The following ARHGEF10L variants were observed in gnomAD, a reference collection of about 807,000 sequenced individuals.
The protein encoded by ARHGEF10L is Rho guanine nucleotide exchange factor 10 like.
A neutral mutation model predicts 141.2 loss-of-function variants in ARHGEF10L; 69 were observed. The ratio of observed to expected loss-of-function variants is 0.49; its 90% CI spans 0.40 to 0.60. The LOEUF is 0.60. Among genes scored for constraint, ARHGEF10L ranks in the 20% least tolerant of loss-of-function variants. ARHGEF10L has a pLI of 0.00. For synonymous variants in ARHGEF10L, 711 were observed against 718.5 expected, an observed-to-expected ratio of 0.99 and a Z score of 0.17; for missense variants, 1,482 against 1,734.3, an observed-to-expected ratio of 0.85 and a Z score of 2.58.
chr1:17,622,065 C>A, intron 11 of ARHGEF10L, 124 bp downstream of exon 11: 1 of 927,026 alleles, frequency 1.1e-6, no homozygotes, highest in South Asian at 1.4e-5. Flanking sequence ...TAAGCCAGCA[C>A]TGCTTTATGG....
intron 4 of ARHGEF10L, among the ~76,000 whole-genome samples, chr1:17,592,662 C>G (rs2079653699): frequency 6.6e-6 from 1 of 152,122 alleles, no homozygotes. Flanking sequence ...AAGGGCAGGT[C>G]AGCAAGGCCG....
At chr1:17,595,972 A>G (rs2080054140) in intron 4 of ARHGEF10L, among the ~76,000 whole-genome samples, 1 of 152,152 alleles carries the variant, frequency 6.6e-6, no homozygotes, top group African/African-American at 2.4e-5. Flanking sequence ...ACATTCAGTA[A>G]CTTGTCCCGG....
chr1:17,588,587 C>A, intron 4 of ARHGEF10L, 108 bp downstream of exon 4: 1 of 1,399,748 alleles, frequency 7.1e-7, no homozygotes, highest in Non-Finnish European at 1.0e-6. Context: ...TGGTCTTTGG[C>A]TAAGGAGGAA....
chr1:17,591,241 A>T (rs1315130317), intron 4 of ARHGEF10L, among the ~76,000 whole-genome samples: 2 of 152,110 alleles, frequency 1.3e-5, no homozygotes, highest in East Asian at 3.9e-4. Context: ...TGTGTACATT[A>T]TCTCTTTTTG....
In ARHGEF10L at chr1:17,623,560, G is replaced by A. The variant is rs2060221114; in HGVS notation, c.1200+385G>A. Among the ~76,000 whole-genome samples the A allele has an allele frequency of 6.6e-6, 1 of 152,206 alleles. No individual in the cohort carries two copies. Among genetic ancestry groups the A allele is most frequent in the Non-Finnish European group, 1.5e-5 (1 of 68,048 alleles). On this transcript the variant is annotated intron_variant, in intron 12 of 28. Coordinates refer to ENST00000361221, the MANE Select transcript of ARHGEF10L (RefSeq NM_018125.4). This position sits in a 1 kb window ranked among gnomAD's most constrained non-coding sequence, Gnocchi z 4.7. Reference sequence around the variant, plus strand: ...AAGACCACAACTTTGGCCCGGAGAGGATGTGCCGCAGTGCTGGGGAAAGGG... The same window carrying A: ...AAGACCACAACTTTGGCCCGGAGAGAATGTGCCGCAGTGCTGGGGAAAGGG...
Position 17,680,960 on chromosome 1 carries a change from T to C in ARHGEF10L, c.3010-6613T>C, listed in dbSNP as rs541548588. Among the ~76,000 whole-genome samples, 8 of 152,158 alleles carry C rather than the reference T, an allele frequency of 5.3e-5. No homozygotes were observed. In the East Asian group the frequency reaches 1.5e-3, roughly 29 times the overall value. ...CACCATGCCCAGATAAGTTTTGTAA[T>C]TTTAGTAGAGACATGTTGGCCAGGC... On this transcript the variant is annotated intron_variant, in intron 26 of 28. Coordinates refer to ENST00000361221, the MANE Select transcript of ARHGEF10L (RefSeq NM_018125.4).
chr1:17,675,819 TG>T (rs1271266549), intron 26 of ARHGEF10L, among the ~76,000 whole-genome samples: 2 of 140,208 alleles, frequency 1.4e-5, no homozygotes, highest in Non-Finnish European at 3.1e-5. Flanking sequence ...TGGGTGCAGG[TG>T]TGGGTACAGG....
chr1:17,586,505 AGT>A (rs201071064), intron 2 of ARHGEF10L, among the ~76,000 whole-genome samples: 1 of 29,546 alleles, frequency 3.4e-5, no homozygotes, highest in African/African-American at 1.0e-4. Flanking sequence ...TTCAGCCCAG[AGT>A]TTAGGAAGGA....
intron 26 of ARHGEF10L, among the ~76,000 whole-genome samples, chr1:17,680,855 C>T (rs2064078887): frequency 6.7e-6 from 1 of 149,874 alleles, no homozygotes; most frequent in Admixed American, 6.7e-5. Flanking sequence ...GTGATCTCGG[C>T]TCACTGCAAT....
rs1481249447 is a variant in ARHGEF10L at position 17,587,561 on chromosome 1, A to T, written c.139A>T (p.Ser47Cys). The T allele has an allele frequency of 6.2e-7, 1 of 1,614,222 alleles. No individual in the cohort carries two copies. Among genetic ancestry groups the T allele is most frequent in the Admixed American group, 1.7e-5 (1 of 60,028 alleles). ...FDDSDDEEDTSAALGVPSLAP... is the reference protein window; with the variant it reads ...FDDSDDEEDTCAALGVPSLAP... ...TGACAGTGATGATGAAGAGGACACC[A>T]GCGCAGCCCTGGGCGTCCCCAGCCT... The change falls in exon 3 of 29, where the codon AGC (serine) becomes TGC (cysteine). Residue 47 changes from serine to cysteine, a missense_variant. Ser to Cys is a moderately radical substitution (Grantham distance 112). Around this residue, in one of 3 missense-constraint regions of ARHGEF10L, gnomAD observed 232 missense variants for 225.9 expected, o/e 1.03. Transcript: ENST00000361221.
intron 1 of ARHGEF10L, among the ~76,000 whole-genome samples, chr1:17,547,990 T>C (rs2076976292): frequency 6.6e-6 from 1 of 152,168 alleles, no homozygotes; most frequent in Non-Finnish European, 1.5e-5. Context: ...CTTGGGCAAC[T>C]CACTTGACCC....
At chr1:17,569,724 G>T (rs1366776818) in intron 1 of ARHGEF10L, among the ~76,000 whole-genome samples, 3 of 152,176 alleles carry the variant, frequency 2.0e-5, no homozygotes, top group African/African-American at 7.2e-5. Flanking sequence ...TAGACGCCAG[G>T]GTCTCACACC....
In ARHGEF10L at chr1:17,607,815, C is replaced by T; in HGVS notation, c.447C>T (p.Asn149=). ...PDAHQPGAER[N]LLYEDAHRAG... is the part of the protein sequence containing the mutation. Reference sequence around the variant, plus strand: ...CTTGGCCAGCAGGGGCAGAGAGGAACCTGCTCTACGAGGATGCGCACCGGG... The same window carrying T: ...CTTGGCCAGCAGGGGCAGAGAGGAATCTGCTCTACGAGGATGCGCACCGGG... The change falls in exon 7 of 29, where the codon AAC becomes AAT. Residue 149 remains asparagine, a synonymous_variant. Coordinates refer to ENST00000361221, the MANE Select transcript of ARHGEF10L (RefSeq NM_018125.4). The surrounding 1 kb of genome is among the most constrained non-coding windows in gnomAD (Gnocchi z 4.5). 1 of 1,584,946 alleles carries T rather than the reference C, an allele frequency of 6.3e-7. No homozygotes were observed. Among genetic ancestry groups the T allele is most frequent in the Non-Finnish European group, 8.6e-7 (1 of 1,167,238 alleles).
intron 25 of ARHGEF10L, among the ~76,000 whole-genome samples, chr1:17,661,302 T>C (rs1258261511): frequency 6.6e-6 from 1 of 152,230 alleles, no homozygotes; most frequent in African/African-American, 2.4e-5. Context: ...GGTCTCGAAC[T>C]CCCAACCTCA....
chr1:17,680,743 CTTT>C (rs554689045), intron 26 of ARHGEF10L, among the ~76,000 whole-genome samples: 2 of 129,856 alleles, frequency 1.5e-5, no homozygotes, highest in African/African-American at 2.8e-5. Context: ...CAACTGCCAG[CTTT>C]TTTTTTTTTT....
rs958299696 is a variant in ARHGEF10L at position 17,607,112 on chromosome 1, T to G, written c.434-690T>G. Among the ~76,000 whole-genome samples the G allele has an allele frequency of 1.3e-5, 2 of 152,314 alleles. No homozygotes were observed. The highest frequency in any genetic ancestry group is 4.1e-4 in the South Asian group (2 of 4,832). On this transcript the variant is annotated intron_variant, in intron 6 of 28. Coordinates refer to ENST00000361221, the MANE Select transcript of ARHGEF10L (RefSeq NM_018125.4). This position sits in a 1 kb window ranked among gnomAD's most constrained non-coding sequence, Gnocchi z 4.5. ...GCCCCAACAATCTCTGTTTCATTCCTGAGGATGCTGAGGGCCTGAGCCAGG... is the reference window on the plus strand; with the variant it reads ...GCCCCAACAATCTCTGTTTCATTCCGGAGGATGCTGAGGGCCTGAGCCAGG...
the ARHGEF10L span, among the ~76,000 whole-genome samples, chr1:17,531,679 G>A: frequency 6.6e-6 from 1 of 152,172 alleles, no homozygotes; most frequent in Non-Finnish European, 1.5e-5. Flanking sequence ...CCTCCACAGA[G>A]GGCAAGGGAG....
intron 4 of ARHGEF10L, among the ~76,000 whole-genome samples, chr1:17,591,375 TG>T (rs2079525772): frequency 6.6e-6 from 1 of 150,720 alleles, no homozygotes; most frequent in African/African-American, 2.4e-5. Flanking sequence ...CCCGAGTAGC[TG>T]GGACTACAGG....
chr1:17,600,441 G>T (rs571536549), intron 4 of ARHGEF10L, among the ~76,000 whole-genome samples: 1 of 152,132 alleles, frequency 6.6e-6, no homozygotes, highest in Non-Finnish European at 1.5e-5. Context: ...AAAAATTCAC[G>T]TTAGAATAGC....
Sources: allele counts gnomAD v4.1 joint callset (sites outside exome capture counted in the v4.1 genomes callset), GRCh38; gene constraint gnomAD v4.1.1; regional missense constraint gnomAD v4.1.1; non-coding constraint Gnocchi (gnomAD v3.1); transcripts MANE v1.5; gene names NCBI Gene and HGNC (gene_info 2026-07-23, HGNC 2026-07-21).